Variants in SGIP1 observed in about 807,000 individuals in gnomAD.
SGIP1 encodes the protein SH3GL interacting endocytic adaptor 1.
SGIP1 carries 38 observed loss-of-function variants against 107.5 expected under a neutral mutation model. That is an observed-to-expected ratio of 0.35 (90% confidence interval 0.27 to 0.46). The LOEUF is 0.46. Among genes scored for constraint, SGIP1 ranks in the 20% least tolerant of loss-of-function variants. The pLI is 1.00. For synonymous variants in SGIP1, 365 were observed against 366.1 expected (o/e 1.00, Z 0.03); for missense variants, 929 against 1,019.5 (o/e 0.91, Z 1.21).
upstream of SGIP1, among the ~76,000 whole-genome samples, chr1:66,533,923 G>A (rs1005592536): frequency 2.0e-5 from 3 of 151,418 alleles, no homozygotes; most frequent in East Asian, 5.9e-4. Context: ...AGGGGCGGGG[G>A]AAGTGCGTCA....
rs1267329659 is a variant in SGIP1, at chr1:66,746,330, A to G, written c.*3235A>G. 1 of 152,150 alleles carries G rather than the reference A, an allele frequency of 6.6e-6. No homozygotes were observed. The highest frequency in any genetic ancestry group is 1.5e-5 in the Non-Finnish European group (1 of 67,978). The allele number at this position is 152,150 out of a possible 1,614,324, so 9.4% of individuals were successfully genotyped here. ...TTTTTCTAATAAAATTGCACATGGA[A>G]TCCTGGTAGGCAAAACAGCTCAAAG... On this transcript the variant is annotated 3_prime_UTR_variant, in exon 25 of 25. Coordinates refer to ENST00000371037, the MANE Select transcript of SGIP1 (RefSeq NM_032291.4).
At chr1:66,645,483 G>A (rs565674067) in intron 7 of SGIP1, among the ~76,000 whole-genome samples, 1 of 152,138 alleles carries the variant, frequency 6.6e-6, no homozygotes, top group Non-Finnish European at 1.5e-5. Context: ...GGGAAGCAGA[G>A]TGAAAACTAG....
chr1:66,599,360 G>A (rs935439042), intron 1 of SGIP1, among the ~76,000 whole-genome samples: 4 of 152,142 alleles, frequency 2.6e-5, no homozygotes, highest in African/African-American at 9.7e-5. Flanking sequence ...TGAAGAAATT[G>A]AGATTTACAG....
chr1:66,629,986 G>A (rs190579990), intron 2 of SGIP1, among the ~76,000 whole-genome samples: 3 of 152,280 alleles, frequency 2.0e-5, no homozygotes, highest in South Asian at 4.1e-4. Context: ...GAGAAACAAA[G>A]GGGTGAAGTA....
intron 18 of SGIP1, among the ~76,000 whole-genome samples, chr1:66,711,668 A>C (rs2092929164): frequency 2.6e-5 from 4 of 152,092 alleles, no homozygotes; most frequent in Admixed American, 2.6e-4. Flanking sequence ...CCCTGGGCAT[A>C]AGGGTCATTT....
chr1:66,729,892 C>T (rs1020052523), intron 20 of SGIP1, among the ~76,000 whole-genome samples: 3 of 152,206 alleles, frequency 2.0e-5, no homozygotes, highest in African/African-American at 7.2e-5. Flanking sequence ...ACCTCCGCCT[C>T]CTGGGTTCAA....
chr1:66,624,373 T>C (rs1356930225), intron 1 of SGIP1, among the ~76,000 whole-genome samples: 1 of 152,216 alleles, frequency 6.6e-6, no homozygotes, highest in African/African-American at 2.4e-5. Context: ...CTTAATATTA[T>C]GGGTGGGTAG....
At chr1:66,587,792 C>A (rs1460077977) in intron 1 of SGIP1, among the ~76,000 whole-genome samples, 1 of 152,026 alleles carries the variant, frequency 6.6e-6, no homozygotes, top group Non-Finnish European at 1.5e-5. Context: ...CTAATTTGAT[C>A]CTCTGTCAAT....
At chr1:66,585,028 C>T (rs2062396622) in intron 1 of SGIP1, among the ~76,000 whole-genome samples, 1 of 152,200 alleles carries the variant, frequency 6.6e-6, no homozygotes, top group Non-Finnish European at 1.5e-5. Context: ...AACATTTCTA[C>T]CTGGAAGTCT....
At chr1:66,691,004 T>C (rs1229931049) in intron 17 of SGIP1, among the ~76,000 whole-genome samples, 2 of 152,188 alleles carry the variant, frequency 1.3e-5, no homozygotes, top group Non-Finnish European at 2.9e-5. Context: ...TGGAGCATCA[T>C]CCCCCTTTCC....
At chr1:66,579,408 A>G (rs1310307592) in intron 1 of SGIP1, among the ~76,000 whole-genome samples, 1 of 152,224 alleles carries the variant, frequency 6.6e-6, no homozygotes, top group Non-Finnish European at 1.5e-5. Flanking sequence ...GATGATAGAC[A>G]TAGACATTTC....
chr1:66,683,619 A>G lies in SGIP1; in HGVS notation c.1315+1250A>G, dbSNP rs529786491. 4.0e-5 allele frequency among the ~76,000 whole-genome samples: 6 copies of G among 149,174 alleles called. No individual in the cohort carries two copies. The South Asian group carries it at 1.3e-3, about 32-fold the overall frequency. ...AATCAGCAAGTATTTTTACCATAAGACCTTTGGGAGCCTTTATTTTGCAAA... is the reference window on the plus strand; with the variant it reads ...AATCAGCAAGTATTTTTACCATAAGGCCTTTGGGAGCCTTTATTTTGCAAA... On this transcript the variant is annotated intron_variant, in intron 15 of 24. Coordinates refer to ENST00000371037, the MANE Select transcript of SGIP1 (RefSeq NM_032291.4).
intron 1 of SGIP1, among the ~76,000 whole-genome samples, chr1:66,545,367 G>A (rs943035616): frequency 6.6e-5 from 10 of 152,156 alleles, no homozygotes; most frequent in Admixed American, 1.3e-4. Flanking sequence ...GTGGACTAAC[G>A]AAAGACTGTC....
intron 18 of SGIP1, among the ~76,000 whole-genome samples, chr1:66,711,586 C>T (rs917715540): frequency 1.3e-5 from 2 of 152,126 alleles, no homozygotes; most frequent in Non-Finnish European, 2.9e-5. Flanking sequence ...TCTTCTGGAG[C>T]GTCGTCTGTC....
At chr1:66,610,104 T>C (rs1465055097) in intron 1 of SGIP1, among the ~76,000 whole-genome samples, 1 of 152,162 alleles carries the variant, frequency 6.6e-6, no homozygotes, top group African/African-American at 2.4e-5. Flanking sequence ...TTTCAGGTAA[T>C]GCTATTCAGC....
At chr1:66,540,128 A>G (rs1048647447) in intron 1 of SGIP1, among the ~76,000 whole-genome samples, 1 of 152,214 alleles carries the variant, frequency 6.6e-6, no homozygotes, top group Admixed American at 6.5e-5. Context: ...TCAAATATGT[A>G]TTCTCACTGG....
At chr1:66,652,698 C>T (rs1171683979) in intron 7 of SGIP1, among the ~76,000 whole-genome samples, 1 of 151,846 alleles carries the variant, frequency 6.6e-6, no homozygotes, top group African/African-American at 2.4e-5. Context: ...GTAACACCAC[C>T]CCCTTTCCTG....
Position 66,746,377 on chromosome 1 carries a change from A to T in SGIP1, c.*3282A>T, listed in dbSNP as rs923372364. 6.6e-6 allele frequency: 1 copy of T among 152,146 alleles called. No homozygotes were observed. Among genetic ancestry groups the T allele is most frequent in the Non-Finnish European group, 1.5e-5 (1 of 67,978 alleles). 9.4% of individuals were successfully genotyped at this position (152,146 alleles called of 1,614,324 possible). A position where few individuals can be genotyped will look rare whatever the true frequency, so the allele number is the denominator to read the frequency against. On this transcript the variant is annotated 3_prime_UTR_variant, in exon 25 of 25. Coordinates refer to ENST00000371037, the MANE Select transcript of SGIP1 (RefSeq NM_032291.4). ...AAAGCAATGCAGGAGTTTCTCCAAC[A>T]GTTTAAATTGGGGCTCCCCAGAGCA...
intron 12 of SGIP1, among the ~76,000 whole-genome samples, chr1:66,674,547 G>A (rs151280227): frequency 6.6e-6 from 1 of 152,182 alleles, no homozygotes; most frequent in Admixed American, 6.5e-5. Context: ...ATAGTGGGTA[G>A]ACTAAGCTAC....
Sources: allele counts gnomAD v4.1 joint callset (sites outside exome capture counted in the v4.1 genomes callset), GRCh38; gene constraint gnomAD v4.1.1; transcripts MANE v1.5; gene names NCBI Gene and HGNC (gene_info 2026-07-23, HGNC 2026-07-21).